The following METAP1D variants were observed in gnomAD, a reference collection of about 807,000 sequenced individuals.
The protein encoded by METAP1D is methionyl aminopeptidase type 1D, mitochondrial, also known as methionine aminopeptidase 1D, mitochondrial.
In METAP1D, 31 loss-of-function variants were observed where a neutral mutation model predicts 40.5. The ratio of observed to expected loss-of-function variants is 0.77; its 90% CI spans 0.58 to 1.03. The LOEUF is 1.03. METAP1D is among the 50% of genes least tolerant of loss of function. METAP1D has a pLI of 0.00. For missense variants in METAP1D, 411 were observed against 420.7 expected (o/e 0.98, Z 0.20); for synonymous variants, 151 against 146.4 (o/e 1.03, Z -0.22).
At chr2:172,069,386 T>C (rs1450979738) in intron 5 of METAP1D, among the ~76,000 whole-genome samples, 1 of 152,248 alleles carries the variant, frequency 6.6e-6, no homozygotes, top group Non-Finnish European at 1.5e-5. Flanking sequence ...AATCGTATTT[T>C]GTATTTTGAA....
intron 2 of METAP1D, 32 bp downstream of exon 2, chr2:172,061,687 C>G (rs756697698): frequency 1.3e-6 from 2 of 1,535,302 alleles, no homozygotes; most frequent in South Asian, 2.6e-5. Context: ...CCTGCTTTTT[C>G]CAGCCAAGAT....
chr2:172,053,514 C>T (rs1559013159), intron 1 of METAP1D, among the ~76,000 whole-genome samples: 1 of 152,070 alleles, frequency 6.6e-6, no homozygotes, highest in Admixed American at 6.6e-5. Context: ...ATTAGCAAAA[C>T]ATTGTTGTTT....
At chr2:172,043,944 A>T (rs1193300685) in intron 1 of METAP1D, among the ~76,000 whole-genome samples, 1 of 134,376 alleles carries the variant, frequency 7.4e-6, no homozygotes, top group African/African-American at 2.5e-5. Context: ...AATAAAAAAA[A>T]ATATTGGGCA....
chr2:172,071,133 T>C, intron 6 of METAP1D, 63 bp downstream of exon 6: 1 of 1,373,872 alleles, frequency 7.3e-7, no homozygotes, highest in South Asian at 1.9e-5. Context: ...ATTGGTGGCT[T>C]GGTATAAAGT....
In METAP1D at chr2:172,020,079, C is replaced by T. The variant is rs77768732; in HGVS notation, c.40+20070C>T. Among the ~76,000 whole-genome samples the T allele has an allele frequency of 6.4e-3, 976 of 152,238 alleles. 4 individuals carry two copies. The highest frequency in any genetic ancestry group is 9.1e-3 in the Non-Finnish European group (617 of 68,012). ...GCAATCTTGGCTTGTCGCAACCTCC[C>T]GGGTTCAAGCAATTTGCCTGCCTCA... is the stretch of plus-strand genomic sequence containing the variant. On this transcript the variant is annotated intron_variant, in intron 1 of 9. Transcript: ENST00000315796.
intron 1 of METAP1D, among the ~76,000 whole-genome samples, chr2:172,058,789 C>T (rs932475729): frequency 1.3e-5 from 2 of 152,204 alleles, no homozygotes; most frequent in Non-Finnish European, 2.9e-5. Flanking sequence ...AACAATATTG[C>T]AGTCCACTTT....
At chr2:172,012,557 A>G (rs973801816) in intron 1 of METAP1D, among the ~76,000 whole-genome samples, 1 of 152,212 alleles carries the variant, frequency 6.6e-6, no homozygotes, top group Non-Finnish European at 1.5e-5. Context: ...ACGGAAGGAG[A>G]TGCTGCACTT....
At chr2:172,008,372 C>G (rs1558991562) in intron 1 of METAP1D, among the ~76,000 whole-genome samples, 2 of 152,132 alleles carry the variant, frequency 1.3e-5, no homozygotes. Context: ...GAGAAACTTT[C>G]TCATCAAGTA....
intron 1 of METAP1D, among the ~76,000 whole-genome samples, chr2:172,030,372 G>A (rs991618294): frequency 5.3e-5 from 8 of 152,110 alleles, no homozygotes; most frequent in South Asian, 2.1e-4. Flanking sequence ...GATTACAGGC[G>A]TGAGCCACCA....
chr2:172,024,635 G>A lies in METAP1D; in HGVS notation c.40+24626G>A, dbSNP rs145372999. ...CTAAGACCCTATGGAATGAAAATGG[G>A]CTTTTGGTTTTCAGCCAAATCCCCA... On this transcript the variant is annotated intron_variant, in intron 1 of 9. Coordinates refer to ENST00000315796, the MANE Select transcript of METAP1D (RefSeq NM_199227.3). Among the ~76,000 whole-genome samples, 147 of 152,170 alleles carry A rather than the reference G, an allele frequency of 9.7e-4. 4 individuals carry two copies. The East Asian group carries it at 0.026, about 27-fold the overall frequency.
At chr2:172,009,264 C>T (rs1688657484) in intron 1 of METAP1D, among the ~76,000 whole-genome samples, 1 of 151,796 alleles carries the variant, frequency 6.6e-6, no homozygotes, top group Admixed American at 6.6e-5. Flanking sequence ...AGGATGGTCT[C>T]GATTTCCTGA....
At chr2:172,047,022 G>GT (rs1026138010) in intron 1 of METAP1D, among the ~76,000 whole-genome samples, 37 of 152,196 alleles carry the variant, frequency 2.4e-4, no homozygotes, top group Admixed American at 2.2e-3. Flanking sequence ...GTAATTATTT[G>GT]TTTTTTTGTT....
At chr2:172,055,480 A>G (rs988306232) in intron 1 of METAP1D, among the ~76,000 whole-genome samples, 10 of 152,194 alleles carry the variant, frequency 6.6e-5, no homozygotes, top group African/African-American at 2.4e-4. Flanking sequence ...TAGAAAATTT[A>G]CTACTTATTT....
chr2:172,044,128 C>T lies in METAP1D; in HGVS notation c.41-17370C>T, dbSNP rs116969492. ...ATAGTCATATTGTCCTTAGATTAATCCATAAATTCAATGTAAACCCAATTT... is the reference window on the plus strand; with the variant it reads ...ATAGTCATATTGTCCTTAGATTAATTCATAAATTCAATGTAAACCCAATTT... On this transcript the variant is annotated intron_variant, in intron 1 of 9. Transcript: ENST00000315796. 6.0e-3 allele frequency among the ~76,000 whole-genome samples: 806 copies of T among 134,150 alleles called. 154 individuals are homozygous for T. Among genetic ancestry groups the T allele is most frequent in the East Asian group, 0.054 (272 of 5,038 alleles). The allele number at this position is 134,150 out of a possible 152,430, so 88.0% of individuals were successfully genotyped here.
intron 1 of METAP1D, among the ~76,000 whole-genome samples, chr2:172,002,655 A>G (rs1358620527): frequency 6.6e-6 from 1 of 152,128 alleles, no homozygotes; most frequent in Non-Finnish European, 1.5e-5. Flanking sequence ...GACTACCCAT[A>G]GCTAGTTTTA....
intron 1 of METAP1D, among the ~76,000 whole-genome samples, chr2:172,034,707 T>C (rs1291325537): frequency 2.6e-5 from 4 of 152,216 alleles, no homozygotes; most frequent in Admixed American, 1.3e-4. Flanking sequence ...TATAATTATG[T>C]ATCCAACAAG....
At chr2:172,034,088 AAAAAAC>A (rs1689312994) in intron 1 of METAP1D, among the ~76,000 whole-genome samples, 1 of 150,684 alleles carries the variant, frequency 6.6e-6, no homozygotes, top group Non-Finnish European at 1.5e-5. Context: ...AAAAAAAAAA[AAAAAAC>A]AAAAGTCCTC....
intron 1 of METAP1D, among the ~76,000 whole-genome samples, chr2:172,028,618 G>A (rs1242807155): frequency 6.7e-6 from 1 of 149,366 alleles, no homozygotes; most frequent in East Asian, 2.0e-4. Context: ...AACATGCTGT[G>A]TATATAATAT....
intron 1 of METAP1D, among the ~76,000 whole-genome samples, chr2:172,040,550 C>T (rs896675486): frequency 3.3e-5 from 5 of 152,124 alleles, no homozygotes; most frequent in African/African-American, 1.2e-4. Flanking sequence ...TTAAGACATA[C>T]TGCTACTCCC....
Sources: gnomAD v4.1 joint callset for allele counts (sites outside exome capture counted in the v4.1 genomes callset) on GRCh38, gnomAD v4.1.1 for gene constraint, MANE v1.5 for transcripts, NCBI Gene and HGNC (gene_info 2026-07-23, HGNC 2026-07-21) for gene names.